Variants in C5orf46 observed in about 807,000 individuals in gnomAD.
C5orf46 encodes the protein chromosome 5 open reading frame 46.
In C5orf46, 9 loss-of-function variants were observed where a neutral mutation model predicts 8.9. The observed-to-expected ratio is 1.01, with a 90% CI of 0.61 to 1.76. C5orf46 has a LOEUF of 1.76. C5orf46 is among the 40% of genes most tolerant of loss of function. The pLI is 0.00. For synonymous variants in C5orf46, 47 were observed against 41.4 expected (o/e 1.14, Z -0.52); for missense variants, 98 against 107.8 (o/e 0.91, Z 0.40).
intron 3 of C5orf46, among the ~76,000 whole-genome samples, chr5:147,894,834 G>T (rs1373362364): frequency 6.6e-6 from 1 of 151,984 alleles, no homozygotes; most frequent in South Asian, 2.1e-4. Flanking sequence ...GGCCGAAGGG[G>T]GGTGAATCAC....
At chr5:147,890,181 A>T (rs758610064), downstream of C5orf46, among the ~76,000 whole-genome samples, 1 of 152,176 alleles carries the variant, frequency 6.6e-6, no homozygotes, top group African/African-American at 2.4e-5. Context: ...GAGTATGTTT[A>T]GTTGGTTATG....
intron 3 of C5orf46, among the ~76,000 whole-genome samples, chr5:147,895,096 A>T (rs987180091): frequency 6.6e-6 from 1 of 152,042 alleles, no homozygotes; most frequent in East Asian, 1.9e-4. Context: ...TAAGAGAAAC[A>T]TAAGATCTAT....
intron 2 of C5orf46, chr5:147,887,106 G>A (rs1757431208): frequency 1.3e-5 from 2 of 152,118 alleles, no homozygotes; most frequent in Admixed American, 1.3e-4. Flanking sequence ...TTAGTTTCAT[G>A]TCTAAGATAG....
intron 1 of C5orf46, among the ~76,000 whole-genome samples, chr5:147,904,508 G>A (rs1757720070): frequency 6.6e-6 from 1 of 152,136 alleles, no homozygotes; most frequent in Non-Finnish European, 1.5e-5. Flanking sequence ...TTTTTCTCCT[G>A]TGTTTCTATC....
chr5:147,886,986 G>A (rs988546785), intron 2 of C5orf46: 13 of 152,096 alleles, frequency 8.5e-5, no homozygotes, highest in African/African-American at 2.7e-4. Context: ...ATGGGATTAG[G>A]GACCCAAGAC....
At chr5:147,904,913 TCCC>T (rs1193633045) in intron 1 of C5orf46, among the ~76,000 whole-genome samples, 12 of 150,018 alleles carry the variant, frequency 8.0e-5, no homozygotes, top group African/African-American at 2.7e-4. Flanking sequence ...GTAGTACCAA[TCCC>T]AAGATAAACT....
At chr5:147,897,446 C>G (rs1389340313) in intron 2 of C5orf46, among the ~76,000 whole-genome samples, 1 of 152,124 alleles carries the variant, frequency 6.6e-6, no homozygotes, top group East Asian at 1.9e-4. Context: ...ACAACCTGTC[C>G]AAAGCACATG....
rs554681178 is a variant in C5orf46, at chr5:147,892,847, T to C, written c.*102A>G. 1.3e-5 allele frequency: 2 copies of C among 152,326 alleles called. No homozygotes were observed. The highest frequency in any genetic ancestry group is 2.9e-5 in the Non-Finnish European group (2 of 68,034). 9.4% of individuals were successfully genotyped at this position (152,326 alleles called of 1,614,324 possible). ...ATCCTGAGAACTCGTTGGGAGTTGC[T>C]TTGAGGGCTCTGTCCTGGAGGACTT... is the stretch of plus-strand genomic sequence containing the variant. On this transcript the variant is annotated 3_prime_UTR_variant, in exon 4 of 4. Coordinates refer to ENST00000318315, the MANE Select transcript of C5orf46 (RefSeq NM_206966.3).
At chr5:147,902,013 G>C (rs1029170626) in intron 1 of C5orf46, among the ~76,000 whole-genome samples, 2 of 152,164 alleles carry the variant, frequency 1.3e-5, no homozygotes, top group Non-Finnish European at 2.9e-5. Flanking sequence ...CACTGGCACC[G>C]CCTGGTGAGT....
At chr5:147,898,720 TAGAG>T (rs1342153488) in intron 2 of C5orf46, among the ~76,000 whole-genome samples, 1 of 151,954 alleles carries the variant, frequency 6.6e-6, no homozygotes, top group East Asian at 1.9e-4. Flanking sequence ...TGGCTAGTGG[TAGAG>T]AGAGAACCAG....
chr5:147,900,309 A>G (rs2127129925), intron 2 of C5orf46, among the ~76,000 whole-genome samples: 1 of 152,258 alleles, frequency 6.6e-6, no homozygotes, highest in East Asian at 1.9e-4. Context: ...TGCCTGTAGA[A>G]CACTGCCCAA....
chr5:147,901,384 A>C, intron 2 of C5orf46: 1 of 303,288 alleles, frequency 3.3e-6, no homozygotes, highest in South Asian at 1.0e-4. Flanking sequence ...CTGAGATTAA[A>C]AAGAAAAAAA....
At chr5:147,891,209 T>G (rs775636859), downstream of C5orf46, among the ~76,000 whole-genome samples, 1 of 152,156 alleles carries the variant, frequency 6.6e-6, no homozygotes. Context: ...AATACCTCCC[T>G]AATTCACTTC....
At chr5:147,887,079 A>G (rs930554779) in intron 2 of C5orf46, 1 of 152,154 alleles carries the variant, frequency 6.6e-6, no homozygotes, top group Non-Finnish European at 1.5e-5. Flanking sequence ...CATGCAAGGT[A>G]TGAATTATAT....
At chr5:147,895,046 G>C (rs933000868) in intron 3 of C5orf46, among the ~76,000 whole-genome samples, 4 of 148,832 alleles carry the variant, frequency 2.7e-5, no homozygotes, top group Non-Finnish European at 2.9e-5. Context: ...CTGGGTGACA[G>C]AGTGAGACTC....
At chr5:147,893,493 C>T (rs572687910) in intron 3 of C5orf46, among the ~76,000 whole-genome samples, 3 of 151,638 alleles carry the variant, frequency 2.0e-5, no homozygotes, top group Non-Finnish European at 4.4e-5. Context: ...ACAGTTTTAG[C>T]CAGAATGGTC....
chr5:147,897,886 A>C (rs979177489), intron 2 of C5orf46, among the ~76,000 whole-genome samples: 2 of 152,178 alleles, frequency 1.3e-5, no homozygotes, highest in African/African-American at 4.8e-5. Flanking sequence ...GGGTTTATAC[A>C]AACATGACCT....
intron 3 of C5orf46, among the ~76,000 whole-genome samples, chr5:147,894,001 G>C (rs1303549459): frequency 6.6e-6 from 1 of 150,790 alleles, no homozygotes; most frequent in Non-Finnish European, 1.5e-5. Flanking sequence ...GGGCAATTTT[G>C]CTTATCAGGT....
At chr5:147,890,767 T>C (rs1040498387), downstream of C5orf46, among the ~76,000 whole-genome samples, 2 of 152,124 alleles carry the variant, frequency 1.3e-5, no homozygotes, top group Non-Finnish European at 1.5e-5. Context: ...GATCCCAATA[T>C]GGCTGGAGTG....
Sources: gnomAD v4.1 joint callset for allele counts (sites outside exome capture counted in the v4.1 genomes callset) on GRCh38, gnomAD v4.1.1 for gene constraint, MANE v1.5 for transcripts, NCBI Gene and HGNC (gene_info 2026-07-23, HGNC 2026-07-21) for gene names.